The following TSG101 variants were observed in gnomAD, a reference collection of about 807,000 sequenced individuals.
The protein encoded by TSG101 is tumor susceptibility gene 101 protein.
TSG101 carries 19 observed loss-of-function variants against 48.5 expected under a neutral mutation model. The observed-to-expected ratio is 0.39, with a 90% CI of 0.27 to 0.58. TSG101 has a LOEUF of 0.58. Ranked by LOEUF, TSG101 falls within the 20% of genes least tolerant of loss-of-function variation. The pLI is 0.55. For synonymous variants in TSG101, 174 were observed against 169.4 expected (o/e 1.03, Z -0.21); for missense variants, 365 against 484.4 (o/e 0.75, Z 2.31).
chr11:18,483,606 T>C (rs1849578262), intron 8 of TSG101, among the ~76,000 whole-genome samples: 1 of 151,828 alleles, frequency 6.6e-6, no homozygotes, highest in South Asian at 2.1e-4. Context: ...AAGTCTCGGA[T>C]ATGTCTTTAT....
chr11:18,504,024 C>T (rs1198977289), intron 6 of TSG101, among the ~76,000 whole-genome samples: 1 of 151,648 alleles, frequency 6.6e-6, no homozygotes, highest in African/African-American at 2.4e-5. Context: ...GACAACATGG[C>T]GAAACCATTT....
intron 8 of TSG101, among the ~76,000 whole-genome samples, chr11:18,483,558 T>C (rs1329705896): frequency 1.3e-5 from 2 of 151,022 alleles, no homozygotes; most frequent in South Asian, 2.1e-4. Flanking sequence ...TCCCCAGCCA[T>C]GTGGAACTGT....
intron 4 of TSG101, among the ~76,000 whole-genome samples, chr11:18,511,739 A>G (rs1409140935): frequency 6.6e-6 from 1 of 152,096 alleles, no homozygotes; most frequent in Non-Finnish European, 1.5e-5. Flanking sequence ...ATCTAATTCC[A>G]TAATATTTTC....
chr11:18,502,678 T>C lies in TSG101; in HGVS notation c.549-101A>G. 3 of 834,188 alleles carry C rather than the reference T, an allele frequency of 3.6e-6. 1 individual carries two copies. The highest frequency in any genetic ancestry group is 3.5e-5 in the South Asian group (2 of 57,220). The allele number at this position is 834,188 out of a possible 1,614,324, so 51.7% of individuals were successfully genotyped here. On this transcript the variant is annotated intron_variant, in intron 6 of 9. Coordinates refer to ENST00000251968, the MANE Select transcript of TSG101 (RefSeq NM_006292.4). ...AAGTTAAGCTTGACATATGGTTGTTTTACCAGTTGATGAATTTATAGTCTT... is the reference window on the plus strand; with the variant it reads ...AAGTTAAGCTTGACATATGGTTGTTCTACCAGTTGATGAATTTATAGTCTT...
At chr11:18,501,771 T>A (rs939097396) in intron 7 of TSG101, among the ~76,000 whole-genome samples, 4 of 152,248 alleles carry the variant, frequency 2.6e-5, no homozygotes, top group African/African-American at 4.8e-5. Flanking sequence ...TTGTCTCAAT[T>A]GGACTCTTTA....
chr11:18,513,525 C>A (rs906736448), intron 4 of TSG101, among the ~76,000 whole-genome samples: 15 of 152,058 alleles, frequency 9.9e-5, no homozygotes, highest in African/African-American at 2.9e-4. Flanking sequence ...GTCTCAAACT[C>A]CTGAGCTCAA....
intron 1 of TSG101, among the ~76,000 whole-genome samples, chr11:18,521,017 C>A (rs1234572991): frequency 6.6e-6 from 1 of 150,732 alleles, no homozygotes; most frequent in Non-Finnish European, 1.5e-5. Flanking sequence ...GGTGACAGAG[C>A]TAGACTCCGT....
At chr11:18,526,731 G>C (rs764727874) in intron 1 of TSG101, 44 bp downstream of exon 1, 1 of 1,590,516 alleles carries the variant, frequency 6.3e-7, no homozygotes, top group South Asian at 1.1e-5. Context: ...GCGCGGAAGG[G>C]AGCGGTGGGC....
intron 7 of TSG101, among the ~76,000 whole-genome samples, chr11:18,492,292 C>CA (rs1849709615): frequency 6.6e-6 from 1 of 152,178 alleles, no homozygotes; most frequent in Non-Finnish European, 1.5e-5. Context: ...AGCATTCAAT[C>CA]ACATGCAACA....
chr11:18,512,421 A>C (rs1437073275), intron 4 of TSG101, among the ~76,000 whole-genome samples: 1 of 152,084 alleles, frequency 6.6e-6, no homozygotes, highest in Non-Finnish European at 1.5e-5. Context: ...CTTTTTAATA[A>C]AATTTACCAT....
intron 8 of TSG101, 49 bp downstream of exon 8, chr11:18,483,821 A>T (rs1256507686): frequency 6.3e-7 from 1 of 1,597,612 alleles, no homozygotes; most frequent in Non-Finnish European, 8.6e-7. Context: ...ACACTCTGCC[A>T]TGGCTACAAT....
Position 18,494,694 on chromosome 11 carries a change from A to G in TSG101, c.640+7792T>C, listed in dbSNP as rs558259066. Among the ~76,000 whole-genome samples, 3 of 152,322 alleles carry G rather than the reference A, an allele frequency of 2.0e-5. No homozygotes were observed. The South Asian group carries it at 6.2e-4, about 32-fold the overall frequency. On this transcript the variant is annotated intron_variant, in intron 7 of 9. Transcript: ENST00000251968. Reference sequence around the variant, plus strand: ...AGATGAGGCAGTTATTCCCAAAGGAAGTCTGTGAAAGGTGTGGGGAAGAGG... The same window carrying G: ...AGATGAGGCAGTTATTCCCAAAGGAGGTCTGTGAAAGGTGTGGGGAAGAGG...
rs74344015 is a variant in TSG101 at position 18,526,472 on chromosome 11, C to T, written c.42+303G>A. ...TTATAAAAACAAACGAAAAACTACA[C>T]TGCCCCACAGACAGCTCCAAACTCA... On this transcript the variant is annotated intron_variant, in intron 1 of 9. Coordinates refer to ENST00000251968, the MANE Select transcript of TSG101 (RefSeq NM_006292.4). 5.8e-4 allele frequency among the ~76,000 whole-genome samples: 88 copies of T among 152,372 alleles called. No homozygotes were observed. In the East Asian group the frequency reaches 0.016, roughly 28 times the overall value.
intron 7 of TSG101, among the ~76,000 whole-genome samples, chr11:18,491,829 T>C (rs1849704600): frequency 6.6e-6 from 1 of 152,210 alleles, no homozygotes; most frequent in Admixed American, 6.5e-5. Flanking sequence ...GTCGGTCTAC[T>C]TCAAATGAGG....
rs575115914 is a variant in TSG101 at position 18,481,658 on chromosome 11, C to T, written c.1055G>A (p.Gly352Asp). ...CAGGAAGACATCCAGGTCTATCACG[C>T]CCCTTCTCAAGGCTTCTCCCAAGTA... ...IFYLGEALRR[G>D]VIDLDVFLKH... Residue 352 changes from glycine to aspartate, a missense_variant, in exon 9 of 10, where the codon GGC (glycine) becomes GAC (aspartate). Transcript: ENST00000251968. 1.2e-6 allele frequency: 2 copies of T among 1,614,064 alleles called. No individual in the cohort carries two copies. Among genetic ancestry groups the T allele is most frequent in the African/African-American group, 1.3e-5 (1 of 75,030 alleles).
At chr11:18,522,243 T>C (rs55964013) in intron 1 of TSG101, among the ~76,000 whole-genome samples, 24,793 of 152,140 alleles carry the variant, frequency 0.16, 2,635 homozygotes, top group East Asian at 0.41. Flanking sequence ...CCAGAAAACA[T>C]ATATACAATT....
At chr11:18,517,570 T>C (rs1339628458) in intron 2 of TSG101, among the ~76,000 whole-genome samples, 2 of 152,220 alleles carry the variant, frequency 1.3e-5, no homozygotes, top group Non-Finnish European at 2.9e-5. Flanking sequence ...AAGATTATAA[T>C]ACTGTATTTT....
At position 18,506,943 on chromosome 11, in the gene TSG101, CA is replaced by C; in HGVS notation, c.482-21del. 6.2e-7 allele frequency: 1 copy of C among 1,600,114 alleles called. No individual in the cohort carries two copies. The highest frequency in any genetic ancestry group is 2.2e-5 in the East Asian group (1 of 44,700). On this transcript the variant is annotated intron_variant, in intron 5 of 9. Transcript: ENST00000251968. ...AGGAAGCTAAAAACAATTTTTTTCA[CA>C]TTGTAAAAATAATATACAAGGCCTG...
intron 9 of TSG101, among the ~76,000 whole-genome samples, 168 bp from the exon 10 acceptor site, chr11:18,480,803 G>A (rs1389898839): frequency 2.0e-5 from 3 of 152,168 alleles, no homozygotes; most frequent in Non-Finnish European, 4.4e-5. Context: ...ATATTATAAA[G>A]GCTTACTCAA....
Sources: gnomAD v4.1 joint callset for allele counts (sites outside exome capture counted in the v4.1 genomes callset) on GRCh38, gnomAD v4.1.1 for gene constraint, MANE v1.5 for transcripts, NCBI Gene and HGNC (gene_info 2026-07-23, HGNC 2026-07-21) for gene names.